ZFAT: variants seen among roughly 807,000 people sequenced by gnomAD.
ZFAT encodes zinc finger protein ZFAT.
ZFAT carries 64 observed loss-of-function variants against 117.7 expected under a neutral mutation model. That is an observed-to-expected ratio of 0.54 (90% CI 0.44 to 0.67). The LOEUF (loss-of-function observed/expected upper bound fraction) is 0.67. Among genes scored for constraint, ZFAT ranks in the 30% least tolerant of loss-of-function variants. ZFAT has a pLI of 0.00. For missense variants in ZFAT, 1,433 were observed against 1,584.5 expected, an observed-to-expected ratio of 0.90 and a Z score of 1.62; for synonymous variants, 679 against 615.0, an observed-to-expected ratio of 1.10 and a Z score of -1.54.
chr8:134,572,376 T>A (rs536313823), intron 10 of ZFAT, among the ~76,000 whole-genome samples: 1 of 152,324 alleles, frequency 6.6e-6, no homozygotes, highest in South Asian at 2.1e-4. Flanking sequence ...TTCAGATAAT[T>A]AGCACCCATC....
At chr8:134,518,692 T>G (rs1820419070) in intron 13 of ZFAT, among the ~76,000 whole-genome samples, 1 of 151,976 alleles carries the variant, frequency 6.6e-6, no homozygotes, top group Non-Finnish European at 1.5e-5. Context: ...TTTTTATCAT[T>G]TATCTTTTTA....
At chr8:134,769,039 G>C in the ZFAT span, among the ~76,000 whole-genome samples, 69 of 152,258 alleles carry the variant, frequency 4.5e-4, 1 homozygote, top group Admixed American at 1.0e-3. Flanking sequence ...AGGTGTGGTG[G>C]GGTGTGCAAT....
intron 3 of ZFAT, among the ~76,000 whole-genome samples, chr8:134,622,079 A>G (rs1230695847): frequency 2.0e-5 from 3 of 152,236 alleles, no homozygotes; most frequent in Admixed American, 6.5e-5. Context: ...TTCAGGAAAC[A>G]CTGGCTGCAT....
the ZFAT span, among the ~76,000 whole-genome samples, chr8:134,830,646 C>T: frequency 8.1e-3 from 1,239 of 152,340 alleles, 18 homozygotes; most frequent in African/African-American, 0.028. Flanking sequence ...CCTCAGCTAT[C>T]ATCACAATCC....
chr8:134,760,284 AAAAAC>A, the ZFAT span, among the ~76,000 whole-genome samples: 1 of 132,552 alleles, frequency 7.5e-6, no homozygotes, highest in Non-Finnish European at 1.7e-5. Context: ...AAAAAAAAAA[AAAAAC>A]AAACAAAAAA....
chr8:134,646,348 G>T (rs1315830199), intron 2 of ZFAT, among the ~76,000 whole-genome samples: 1 of 152,012 alleles, frequency 6.6e-6, no homozygotes, highest in African/African-American at 2.4e-5. Context: ...AATCATAAGG[G>T]AAATTAGAAA....
chr8:134,531,107 G>A (rs1368596396), intron 12 of ZFAT, among the ~76,000 whole-genome samples: 1 of 152,230 alleles, frequency 6.6e-6, no homozygotes, highest in Admixed American at 6.5e-5. Context: ...GTCAGGGAAT[G>A]CCGACTGATT....
At chr8:134,629,013 G>A (rs1247941938) in intron 3 of ZFAT, among the ~76,000 whole-genome samples, 1 of 152,192 alleles carries the variant, frequency 6.6e-6, no homozygotes, top group Non-Finnish European at 1.5e-5. Context: ...ATGAATTGGG[G>A]TAAATAGGCA....
intron 15 of ZFAT, among the ~76,000 whole-genome samples, chr8:134,481,480 A>T (rs1817301140): frequency 6.6e-6 from 1 of 152,222 alleles, no homozygotes; most frequent in Non-Finnish European, 1.5e-5. Context: ...AACCCTAAAG[A>T]GGACAGTGAC....
intron 1 of ZFAT, among the ~76,000 whole-genome samples, chr8:134,691,772 T>C (rs966336846): frequency 5.9e-5 from 9 of 152,212 alleles, no homozygotes; most frequent in African/African-American, 1.9e-4. Flanking sequence ...CCTCAATAGA[T>C]TGTAAGCTCC....
chr8:134,646,166 G>A (rs966447965), intron 2 of ZFAT, among the ~76,000 whole-genome samples: 1 of 152,138 alleles, frequency 6.6e-6, no homozygotes, highest in African/African-American at 2.4e-5. Context: ...CCGAGATCAC[G>A]CCACTGCACT....
intron 1 of ZFAT, among the ~76,000 whole-genome samples, chr8:134,671,647 A>G (rs927445561): frequency 2.0e-5 from 3 of 152,258 alleles, no homozygotes; most frequent in African/African-American, 4.8e-5. Context: ...AGCCAATATC[A>G]TACTGAATGG....
At chr8:134,544,614 G>A (rs74437291) in intron 11 of ZFAT, among the ~76,000 whole-genome samples, 1,743 of 151,576 alleles carry the variant, frequency 0.011, 35 homozygotes, top group African/African-American at 0.04. Context: ...TCACCCAACA[G>A]AAAAATGAAA....
At chr8:134,787,886 T>C in the ZFAT span, among the ~76,000 whole-genome samples, 1 of 152,172 alleles carries the variant, frequency 6.6e-6, no homozygotes, top group Non-Finnish European at 1.5e-5. Flanking sequence ...TCAATTTCTA[T>C]TTGTTTCTGA....
At chr8:134,760,731 T>C in the ZFAT span, among the ~76,000 whole-genome samples, 1 of 152,206 alleles carries the variant, frequency 6.6e-6, no homozygotes. Context: ...GTGTGCAGCA[T>C]TGGGCTAGGT....
Position 134,657,615 on chromosome 8 carries a change from G to C in ZFAT, c.142C>G (p.Pro48Ala), listed in dbSNP as rs1273987278. The C allele has an allele frequency of 6.2e-7, 1 of 1,614,024 alleles. No homozygotes were observed. Residue 48 changes from proline to alanine, a missense_variant, in exon 2 of 16, where the codon CCC becomes GCC. Coordinates refer to ENST00000377838, the MANE Select transcript of ZFAT (RefSeq NM_020863.4). ...EGVNVDEIII[P>A]LRPLSTPEPP... ...TCAGGTGTACTCAGAGGCCTAAGGG[G>C]AATAATAATCTCATCAACATTAACC...
At chr8:134,514,891 T>C (rs1586622774) in intron 13 of ZFAT, among the ~76,000 whole-genome samples, 1 of 152,270 alleles carries the variant, frequency 6.6e-6, no homozygotes, top group East Asian at 1.9e-4. Flanking sequence ...ACACGTGCCA[T>C]GGTGGTTTGC....
At chr8:134,760,578 G>A in the ZFAT span, among the ~76,000 whole-genome samples, 1 of 152,184 alleles carries the variant, frequency 6.6e-6, no homozygotes, top group Non-Finnish European at 1.5e-5. Flanking sequence ...GTGAGTGGGG[G>A]TGTGAGTGTG....
chr8:134,712,673 C>T (rs1257222873), intron 1 of ZFAT, among the ~76,000 whole-genome samples, 172 bp downstream of exon 1: 5 of 149,272 alleles, frequency 3.3e-5, no homozygotes, highest in Admixed American at 3.3e-4. Flanking sequence ...ACGTGAGCCG[C>T]AGAACGCAAC....
Sources: gnomAD v4.1 joint callset for allele counts (sites outside exome capture counted in the v4.1 genomes callset) on GRCh38, gnomAD v4.1.1 for gene constraint, MANE v1.5 for transcripts, NCBI Gene and HGNC (gene_info 2026-07-23, HGNC 2026-07-21) for gene names.